Variants in ADAMTS12 observed in about 807,000 individuals in gnomAD.
The protein encoded by ADAMTS12 is A disintegrin and metalloproteinase with thrombospondin motifs 12.
A neutral mutation model predicts 167.8 loss-of-function variants in ADAMTS12; 118 were observed. The observed-to-expected ratio is 0.70, with a 90% CI of 0.61 to 0.82. ADAMTS12 has a LOEUF of 0.82. Ranked by LOEUF, ADAMTS12 falls within the 40% of genes least tolerant of loss-of-function variation. The pLI is 0.00. For missense variants in ADAMTS12, 1,916 were observed against 1,998.8 expected (o/e 0.96, Z 0.79); for synonymous variants, 704 against 716.9 (o/e 0.98, Z 0.29).
intron 2 of ADAMTS12, among the ~76,000 whole-genome samples, chr5:33,801,557 T>A (rs1747010190): frequency 6.6e-6 from 1 of 152,208 alleles, no homozygotes; most frequent in African/African-American, 2.4e-5. Flanking sequence ...GTTCTGTCTG[T>A]TATTAGGCAG....
At chr5:33,538,501 T>A (rs1050460352) in intron 22 of ADAMTS12, among the ~76,000 whole-genome samples, 1 of 152,148 alleles carries the variant, frequency 6.6e-6, no homozygotes, top group South Asian at 2.1e-4. Flanking sequence ...AGACATGAGA[T>A]ACAATGGGAC....
intron 5 of ADAMTS12, among the ~76,000 whole-genome samples, chr5:33,673,749 T>C (rs1741802167): frequency 6.6e-6 from 1 of 152,172 alleles, no homozygotes; most frequent in Non-Finnish European, 1.5e-5. Context: ...CCTCACGGTT[T>C]ATGCTTTAGC....
At chr5:33,767,405 G>T (rs1223921925) in intron 2 of ADAMTS12, among the ~76,000 whole-genome samples, 1 of 151,920 alleles carries the variant, frequency 6.6e-6, no homozygotes, top group Non-Finnish European at 1.5e-5. Flanking sequence ...TGTATAATTA[G>T]ATTACAATTA....
intron 2 of ADAMTS12, among the ~76,000 whole-genome samples, chr5:33,855,663 G>A (rs1286078387): frequency 1.7e-5 from 2 of 114,754 alleles, no homozygotes; most frequent in Non-Finnish European, 3.3e-5. Context: ...ATTTGTATGG[G>A]AGAAATGTTT....
chr5:33,798,259 G>A (rs998750532), intron 2 of ADAMTS12, among the ~76,000 whole-genome samples: 2 of 151,292 alleles, frequency 1.3e-5, no homozygotes, highest in Non-Finnish European at 2.9e-5. Context: ...ACCACAGACT[G>A]GGTGGCTTAA....
At chr5:33,667,046 A>G (rs1472554083) in intron 5 of ADAMTS12, among the ~76,000 whole-genome samples, 2 of 152,330 alleles carry the variant, frequency 1.3e-5, no homozygotes, top group East Asian at 3.9e-4. Flanking sequence ...TGCTAAGAAG[A>G]AAGTTTACTT....
intron 12 of ADAMTS12, among the ~76,000 whole-genome samples, chr5:33,636,517 T>G (rs1026535144): frequency 1.8e-4 from 28 of 152,162 alleles, no homozygotes; most frequent in African/African-American, 6.5e-4. Flanking sequence ...ATCACTGCCC[T>G]TGACAACTAA....
chr5:33,805,917 C>A, intron 2 of ADAMTS12, among the ~76,000 whole-genome samples: 1 of 125,786 alleles, frequency 8.0e-6, no homozygotes, highest in Non-Finnish European at 1.7e-5. Flanking sequence ...AAAAAGCCAC[C>A]TCTCATTTAA....
At chr5:33,637,445 T>C (rs376523641) in intron 12 of ADAMTS12, 132 bp downstream of exon 12, 1 of 934,132 alleles carries the variant, frequency 1.1e-6, no homozygotes, top group African/African-American at 1.7e-5. Flanking sequence ...TTCCATCTTC[T>C]AAATTACAAA....
At chr5:33,532,965 T>G (rs1744189860) in intron 23 of ADAMTS12, among the ~76,000 whole-genome samples, 1 of 152,196 alleles carries the variant, frequency 6.6e-6, no homozygotes, top group African/African-American at 2.4e-5. Flanking sequence ...CTTCTTTCAT[T>G]TTCCTTCTAT....
chr5:33,527,119 T>C lies in ADAMTS12; in HGVS notation c.*69A>G. The C allele has an allele frequency of 2.5e-6, 4 of 1,568,766 alleles. No individual in the cohort carries two copies. Among genetic ancestry groups the C allele is most frequent in the Non-Finnish European group, 3.5e-6 (4 of 1,149,072 alleles). ...TGAAGCAAAACCTCAACGAAGCAGC[T>C]CCCAGGGCTAAAGCATGTCATGGTC... On this transcript the variant is annotated 3_prime_UTR_variant, in exon 24 of 24. Transcript: ENST00000504830.
chr5:33,534,838 C>T lies in ADAMTS12; in HGVS notation c.4601G>A (p.Ser1534Asn), dbSNP rs1351022935. 2 of 1,612,132 alleles carry T rather than the reference C, an allele frequency of 1.2e-6. No individual in the cohort carries two copies. The highest frequency in any genetic ancestry group is 1.7e-6 in the Non-Finnish European group (2 of 1,179,376). ...KKCNQQACKK[S>N]ADLLCTKDKL... is the part of the protein sequence containing the mutation. ...GAGCAAACCCATTCACCCACCGGCA[C>T]TTTTCTTGCAGGCCTGCTGGTTGCA... Residue 1534 changes from serine to asparagine, a missense_variant, in exon 23 of 24, where the codon AGT (serine) becomes AAT (asparagine). Physicochemically the swap from Ser to Asn is conservative, Grantham distance 46. Coordinates refer to ENST00000504830, the MANE Select transcript of ADAMTS12 (RefSeq NM_030955.4).
chr5:33,605,360 C>G (rs1300151332), intron 16 of ADAMTS12, among the ~76,000 whole-genome samples: 3 of 152,106 alleles, frequency 2.0e-5, no homozygotes, highest in African/African-American at 7.2e-5. Context: ...TTTTCTCCCA[C>G]ACAGAAATAA....
chr5:33,567,537 T>A (rs150041411), intron 19 of ADAMTS12, among the ~76,000 whole-genome samples: 85 of 152,216 alleles, frequency 5.6e-4, no homozygotes, highest in African/African-American at 1.9e-3. Flanking sequence ...CTCCCCAATG[T>A]TCCCTCCGCA....
intron 2 of ADAMTS12, among the ~76,000 whole-genome samples, chr5:33,855,772 A>G (rs1749376247): frequency 6.6e-6 from 1 of 152,126 alleles, no homozygotes; most frequent in African/African-American, 2.4e-5. Flanking sequence ...TGCCCGGGCT[A>G]GAGAGCAGTG....
At chr5:33,707,243 A>G (rs1013192890) in intron 3 of ADAMTS12, among the ~76,000 whole-genome samples, 8 of 152,266 alleles carry the variant, frequency 5.3e-5, no homozygotes, top group African/African-American at 1.7e-4. Context: ...TCCAACTTAC[A>G]AGGGATGTGA....
intron 9 of ADAMTS12, among the ~76,000 whole-genome samples, chr5:33,644,938 G>T (rs1276294187): frequency 6.6e-6 from 1 of 152,048 alleles, no homozygotes; most frequent in African/African-American, 2.4e-5. Context: ...CACAGTGTTA[G>T]CCAGGATGGT....
intron 16 of ADAMTS12, among the ~76,000 whole-genome samples, chr5:33,604,475 T>C (rs1196570706): frequency 6.7e-6 from 1 of 149,410 alleles, no homozygotes; most frequent in Non-Finnish European, 1.5e-5. Context: ...CACTCTAGCT[T>C]GGGCAAAAAG....
At chr5:33,681,959 C>T (rs1742136214) in intron 5 of ADAMTS12, among the ~76,000 whole-genome samples, 1 of 152,160 alleles carries the variant, frequency 6.6e-6, no homozygotes, top group Non-Finnish European at 1.5e-5. Flanking sequence ...GGGTTTTGTG[C>T]AGTGCAGCAC....
Sources: allele counts gnomAD v4.1 joint callset (sites outside exome capture counted in the v4.1 genomes callset), GRCh38; gene constraint gnomAD v4.1.1; transcripts MANE v1.5; gene names NCBI Gene and HGNC (gene_info 2026-07-23, HGNC 2026-07-21).